The following CNTN6 variants were observed in gnomAD, a reference collection of about 807,000 sequenced individuals.
CNTN6 encodes the protein contactin 6, also known as contactin-6.
In CNTN6, 137 loss-of-function variants were observed where a neutral mutation model predicts 122.8. The ratio of observed to expected loss-of-function variants is 1.12; its 90% CI spans 0.97 to 1.29. The LOEUF (loss-of-function observed/expected upper bound fraction) is 1.29, where lower values mean the gene tolerates loss of function less well. Ranked by LOEUF, CNTN6 falls within the 50% of genes most tolerant of loss-of-function variation. The pLI is 0.00. For synonymous variants in CNTN6, 570 were observed against 426.0 expected, an observed-to-expected ratio of 1.34 and a Z score of -4.16; for missense variants, 1,634 against 1,223.4, an observed-to-expected ratio of 1.34 and a Z score of -5.01.
At position 1,199,419 on chromosome 3, in the gene CNTN6, GT is replaced by G. The variant is rs1278204534; in HGVS notation, c.56-21267del. ...GGTCTCAAACTCCTAGGCTCAAGCA[GT>G]CCCCCCACCTTGGCCCCCCAAAGTG... On this transcript the variant is annotated intron_variant, in intron 2 of 22. Transcript: ENST00000446702. Among the ~76,000 whole-genome samples, 117 of 151,916 alleles carry G rather than the reference GT, an allele frequency of 7.7e-4. 1 individual carries two copies. The highest frequency in any genetic ancestry group is 2.7e-3 in the African/African-American group (113 of 41,412).
intron 3 of CNTN6, among the ~76,000 whole-genome samples, chr3:1,222,153 T>C (rs1230412009): frequency 6.6e-6 from 1 of 152,222 alleles, no homozygotes; most frequent in Non-Finnish European, 1.5e-5. Context: ...TAAAGCTTCC[T>C]TGTCTTTATC....
At chr3:1,213,249 T>C (rs990525488) in intron 2 of CNTN6, among the ~76,000 whole-genome samples, 1 of 152,190 alleles carries the variant, frequency 6.6e-6, no homozygotes, top group African/African-American at 2.4e-5. Context: ...GGAAAGCAAA[T>C]GAATTAGCAT....
intron 11 of CNTN6, among the ~76,000 whole-genome samples, chr3:1,341,361 G>A (rs1575775689): frequency 6.6e-6 from 1 of 152,098 alleles, no homozygotes; most frequent in Non-Finnish European, 1.5e-5. Context: ...AAATGCTGCA[G>A]CGAATGGAGA....
At chr3:1,388,220 C>A (rs538442042) in intron 20 of CNTN6, among the ~76,000 whole-genome samples, 5 of 149,626 alleles carry the variant, frequency 3.3e-5, no homozygotes, top group Admixed American at 6.7e-5. Flanking sequence ...GATCTGAGAA[C>A]TGGCACACTG....
intron 1 of CNTN6, among the ~76,000 whole-genome samples, chr3:1,142,998 A>G (rs897881869): frequency 8.1e-6 from 1 of 124,088 alleles, no homozygotes; most frequent in Non-Finnish European, 1.7e-5. Context: ...ATATATATAT[A>G]TATATGTATA....
At chr3:1,291,393 T>G (rs544602258) in intron 5 of CNTN6, among the ~76,000 whole-genome samples, 1 of 152,098 alleles carries the variant, frequency 6.6e-6, no homozygotes, top group South Asian at 2.1e-4. Flanking sequence ...GAGAGGAAAA[T>G]TACAGTCTCA....
intron 20 of CNTN6, among the ~76,000 whole-genome samples, chr3:1,388,783 C>T (rs1412131262): frequency 5.1e-4 from 75 of 146,740 alleles, no homozygotes; most frequent in African/African-American, 1.6e-3. Flanking sequence ...CCTCAGGAGC[C>T]GATGTGATCA....
chr3:1,238,528 G>A (rs1254098003), intron 4 of CNTN6, among the ~76,000 whole-genome samples: 2 of 152,032 alleles, frequency 1.3e-5, no homozygotes, highest in Admixed American at 6.6e-5. Context: ...CACTAGACAA[G>A]TCATCAAGAC....
intron 1 of CNTN6, among the ~76,000 whole-genome samples, chr3:1,104,552 A>G (rs2091123511): frequency 6.6e-6 from 1 of 152,154 alleles, no homozygotes; most frequent in African/African-American, 2.4e-5. Flanking sequence ...TAAATTATTG[A>G]ATAACCTTGG....
At chr3:1,313,245 C>A (rs1699642858) in intron 7 of CNTN6, among the ~76,000 whole-genome samples, 1 of 152,052 alleles carries the variant, frequency 6.6e-6, no homozygotes, top group Non-Finnish European at 1.5e-5. Context: ...GTATCATATT[C>A]AGCTCTACCA....
intron 19 of CNTN6, among the ~76,000 whole-genome samples, chr3:1,384,060 G>A (rs928353534): frequency 6.6e-6 from 1 of 152,064 alleles, no homozygotes; most frequent in Non-Finnish European, 1.5e-5. Context: ...GTAATTCAAA[G>A]CAAACAAATT....
intron 1 of CNTN6, among the ~76,000 whole-genome samples, chr3:1,142,010 G>T (rs1240029049): frequency 6.6e-6 from 1 of 152,024 alleles, no homozygotes; most frequent in African/African-American, 2.4e-5. Context: ...CTCTGTTTAG[G>T]ATAACTCTCA....
intron 16 of CNTN6, 126 bp downstream of exon 16, chr3:1,374,199 C>T (rs562760603): frequency 5.8e-6 from 5 of 862,214 alleles, no homozygotes; most frequent in Non-Finnish European, 5.0e-6. Flanking sequence ...AAACGAGTGG[C>T]TCTCATTTTC....
At position 1,374,111 on chromosome 3, in the gene CNTN6, C is replaced by T. The variant is rs994775946; in HGVS notation, c.2095+38C>T. On this transcript the variant is annotated intron_variant, in intron 16 of 22. Transcript: ENST00000446702. ...TGTGTTCTAAAAGTGTGGAAGATTT[C>T]GTATGATACAGTTCTTAAAACAAAA... The T allele has an allele frequency of 6.3e-6, 10 of 1,582,536 alleles. 1 individual carries two copies. The highest frequency in any genetic ancestry group is 1.7e-4 in the Middle Eastern group (1 of 5,970).
chr3:1,402,235 A>T, intron 21 of CNTN6, 83 bp from the exon 22 acceptor site: 2 of 1,033,824 alleles, frequency 1.9e-6, no homozygotes, highest in Non-Finnish European at 2.8e-6. Context: ...GATGTATCTT[A>T]TGTCTTACAG....
intron 18 of CNTN6, 46 bp from the exon 19 acceptor site, chr3:1,383,247 A>G (rs1295077211): frequency 9.4e-6 from 15 of 1,596,736 alleles, no homozygotes; most frequent in African/African-American, 2.7e-5. Flanking sequence ...TCCATTTTCA[A>G]TGAACCACTC....
intron 1 of CNTN6, among the ~76,000 whole-genome samples, chr3:1,125,329 C>A (rs987453386): frequency 2.6e-5 from 4 of 151,826 alleles, no homozygotes; most frequent in African/African-American, 9.7e-5. Flanking sequence ...AAAACTAAAT[C>A]TTGAATAAAT....
chr3:1,330,670 A>G (rs948019965), intron 11 of CNTN6, among the ~76,000 whole-genome samples: 7 of 151,882 alleles, frequency 4.6e-5, no homozygotes, highest in Admixed American at 3.9e-4. Context: ...TGTGCTGAAG[A>G]TATGAAAATA....
chr3:1,149,436 G>A (rs928542662), intron 2 of CNTN6, among the ~76,000 whole-genome samples: 2 of 152,284 alleles, frequency 1.3e-5, no homozygotes, highest in Non-Finnish European at 1.5e-5. Context: ...CACAGTAATT[G>A]TAAAGGACAT....
Sources: allele counts gnomAD v4.1 joint callset (sites outside exome capture counted in the v4.1 genomes callset), GRCh38; gene constraint gnomAD v4.1.1; transcripts MANE v1.5; gene names NCBI Gene and HGNC (gene_info 2026-07-23, HGNC 2026-07-21).